MUCL3: variants seen among roughly 807,000 people sequenced by gnomAD.
MUCL3 encodes the protein mucin like 3, also known as mucin-like protein 3.
MUCL3 carries 42 observed loss-of-function variants against 70.2 expected under a neutral mutation model. The observed-to-expected ratio is 0.60, with a 90% confidence interval of 0.47 to 0.77. MUCL3 has a LOEUF of 0.77. Ranked by LOEUF, MUCL3 falls within the 30% of genes least tolerant of loss-of-function variation. The probability of loss-of-function intolerance (pLI) is 0.00; values close to 1 mark genes in which losing one functional copy is unlikely to be tolerated. For missense variants in MUCL3, 1,429 were observed against 1,670.0 expected, an observed-to-expected ratio of 0.86 and a Z score of 2.52; for synonymous variants, 522 against 647.0, an observed-to-expected ratio of 0.81 and a Z score of 2.93.
rs1760617177 is a variant in MUCL3 at position 30,950,679 on chromosome 6, G to C, written c.2215G>C (p.Glu739Gln). 1 of 1,548,486 alleles carries C rather than the reference G, an allele frequency of 6.5e-7. No homozygotes were observed. Among genetic ancestry groups the C allele is most frequent in the Non-Finnish European group, 8.7e-7 (1 of 1,145,884 alleles). The change falls in exon 2 of 3, where the codon GAG becomes CAG. Residue 739 changes from glutamate (E) to glutamine (Q), a missense_variant. Physicochemically the swap from Glu to Gln is conservative, Grantham distance 29 (BLOSUM62 2). Coordinates refer to ENST00000462446, the MANE Select transcript of MUCL3 (RefSeq NM_080870.4). ...TGAGAAGACCACACCATTCCCAGCA[G>C]AGCCTACAGAAAATAGAGAAAGGAC... ...ANEKTTPFPA[E>Q]PTENRERTAN... is the part of the protein sequence containing the mutation.
At chr6:30,944,269 T>C (rs1042370021) in intron 1 of MUCL3, among the ~76,000 whole-genome samples, 1 of 151,630 alleles carries the variant, frequency 6.6e-6, no homozygotes, top group Admixed American at 6.6e-5. Context: ...TTTCTCTTTC[T>C]TTCTTTCTCT....
intron 1 of MUCL3, among the ~76,000 whole-genome samples, chr6:30,943,553 A>G (rs1296981244): frequency 6.6e-6 from 1 of 151,688 alleles, no homozygotes; most frequent in Non-Finnish European, 1.5e-5. Context: ...TCTAGATGAA[A>G]TCATCTGAGG....
chr6:30,946,807 G>T (rs1451659795), intron 1 of MUCL3, among the ~76,000 whole-genome samples: 1 of 152,158 alleles, frequency 6.6e-6, no homozygotes, highest in East Asian at 1.9e-4. Context: ...CTTACTTGCT[G>T]GGTGTCCTTG....
At chr6:30,952,950 C>T (rs1465409880) in intron 2 of MUCL3, 21 bp from the exon 3 acceptor site, 1 of 1,612,772 alleles carries the variant, frequency 6.2e-7, no homozygotes, top group Admixed American at 1.7e-5. Context: ...TCTCATTCCT[C>T]CTTTCTCATC....
chr6:30,950,434 C>G lies in MUCL3; in HGVS notation c.1970C>G (p.Pro657Arg), dbSNP rs751747561. The G allele has an allele frequency of 1.3e-6, 2 of 1,549,748 alleles. No homozygotes were observed. Among genetic ancestry groups the G allele is most frequent in the South Asian group, 2.4e-5 (2 of 83,930 alleles). The change falls in exon 2 of 3, where the codon CCA (proline) becomes CGA (arginine). Residue 657 changes from proline to arginine, a missense_variant. By Grantham distance (103) the Pro-to-Arg change is moderately radical. Coordinates refer to ENST00000462446, the MANE Select transcript of MUCL3 (RefSeq NM_080870.4). Reference protein sequence around the residue: ...MTANEKTTLFPAEPTENRERT... With the variant: ...MTANEKTTLFRAEPTENRERT... ...GCCAACGAGAAGACCACACTATTCC[C>G]AGCAGAGCCTACAGAAAATAGAGAA...
At chr6:30,944,302 G>A (rs982708350) in intron 1 of MUCL3, among the ~76,000 whole-genome samples, 9 of 143,032 alleles carry the variant, frequency 6.3e-5, no homozygotes, top group Non-Finnish European at 1.4e-4. Flanking sequence ...TTCTTCTTTC[G>A]ACAGAGTCTC....
intron 2 of MUCL3, 129 bp downstream of exon 2, chr6:30,952,628 TAGAG>T: frequency 1.1e-5 from 12 of 1,076,534 alleles, no homozygotes; most frequent in South Asian, 1.7e-5. Flanking sequence ...GGAACAGTAA[TAGAG>T]GGAGAGTTTT....
At chr6:30,942,438 C>G (rs536958069) in intron 1 of MUCL3, among the ~76,000 whole-genome samples, 1 of 152,290 alleles carries the variant, frequency 6.6e-6, no homozygotes, top group East Asian at 1.9e-4. Flanking sequence ...CATCCAAGGA[C>G]AGAGCCATCC....
intron 1 of MUCL3, among the ~76,000 whole-genome samples, chr6:30,944,571 A>T (rs1795711864): frequency 6.6e-6 from 1 of 152,198 alleles, no homozygotes; most frequent in East Asian, 1.9e-4. Context: ...CACTGTGCCC[A>T]GCCGATGTCC....
In MUCL3 at chr6:30,948,900, A is replaced by C; in HGVS notation, c.436A>C (p.Thr146Pro). 1 of 1,551,004 alleles carries C rather than the reference A, an allele frequency of 6.4e-7. No individual in the cohort carries two copies. Among genetic ancestry groups the C allele is most frequent in the Non-Finnish European group, 8.7e-7 (1 of 1,146,864 alleles). ...NQRSVDPADS[T>P]TTHKESAGKK... Reference sequence around the variant, plus strand: ...GCGCTCTGTTGATCCTGCTGACTCCACTACCACACATAAAGAATCCGCTGG... The same window carrying C: ...GCGCTCTGTTGATCCTGCTGACTCCCCTACCACACATAAAGAATCCGCTGG... The change falls in exon 2 of 3, where the codon ACT (threonine) becomes CCT (proline). Residue 146 changes from threonine to proline, a missense_variant. Coordinates refer to ENST00000462446, the MANE Select transcript of MUCL3 (RefSeq NM_080870.4).
intron 1 of MUCL3, among the ~76,000 whole-genome samples, chr6:30,941,505 G>T (rs1405380891): frequency 6.9e-6 from 1 of 144,832 alleles, no homozygotes; most frequent in Non-Finnish European, 1.5e-5. Context: ...TGTTGCCTAG[G>T]CTGGAGTGCA....
chr6:30,951,570 C>A lies in MUCL3; in HGVS notation c.3106C>A (p.Pro1036Thr), dbSNP rs1353682758. 1 of 1,550,364 alleles carries A rather than the reference C, an allele frequency of 6.5e-7. No individual in the cohort carries two copies. The highest frequency in any genetic ancestry group is 1.2e-5 in the South Asian group (1 of 84,022). The change falls in exon 2 of 3, where the codon CCA (proline) becomes ACA (threonine). Residue 1036 changes from proline (P) to threonine (T), a missense_variant. Physicochemically the swap from Pro to Thr is conservative, Grantham distance 38 (BLOSUM62 -1). Coordinates refer to ENST00000462446, the MANE Select transcript of MUCL3 (RefSeq NM_080870.4). Reference sequence around the variant, plus strand: ...ACCATCAGCCAATGAGAAGACCATACCATCTCCAGCAAAGCCTACAGAACA... The same window carrying A: ...ACCATCAGCCAATGAGAAGACCATAACATCTCCAGCAAAGCCTACAGAACA... ...RTPSANEKTI[P>T]SPAKPTEHEE... is the part of the protein sequence containing the mutation.
chr6:30,951,330 C>A lies in MUCL3; in HGVS notation c.2866C>A (p.Pro956Thr). ...AAGGATAGCCAATGAGAAGGCCACA[C>A]CATCCCCAGCAAAGCCTACAGAACA... ...GERIANEKAT[P>T]SPAKPTEHGE... Residue 956 changes from proline (P) to threonine (T), a missense_variant, in exon 2 of 3, where the codon CCA becomes ACA. Transcript: ENST00000462446. 6.5e-7 allele frequency: 1 copy of A among 1,545,660 alleles called. No homozygotes were observed.
intron 2 of MUCL3, 46 bp from the exon 3 acceptor site, chr6:30,952,925 C>CA (rs767673189): frequency 3.9e-5 from 63 of 1,603,782 alleles, no homozygotes; most frequent in Non-Finnish European, 5.1e-5. Flanking sequence ...TTGTGGAAAA[C>CA]AAATCGCAGA....
rs1760530121 is a variant in MUCL3 at position 30,949,842 on chromosome 6, C to T, written c.1378C>T (p.Pro460Ser). Residue 460 changes from proline to serine, a missense_variant, in exon 2 of 3, where the codon CCT becomes TCT. Physicochemically the swap from Pro to Ser is moderately conservative, Grantham distance 74. Coordinates refer to ENST00000462446, the MANE Select transcript of MUCL3 (RefSeq NM_080870.4). Reference protein sequence around the residue: ...NENTTPSPAGPTENRETTANE... With the variant: ...NENTTPSPAGSTENRETTANE... Reference sequence around the variant, plus strand: ...GAACACCACACCATCCCCAGCAGGGCCTACAGAAAACAGAGAAACGACAGC... The same window carrying T: ...GAACACCACACCATCCCCAGCAGGGTCTACAGAAAACAGAGAAACGACAGC... The T allele has an allele frequency of 1.3e-6, 2 of 1,549,544 alleles. No homozygotes were observed. Among genetic ancestry groups the T allele is most frequent in the Non-Finnish European group, 1.7e-6 (2 of 1,146,392 alleles).
chr6:30,953,185 C>A lies in MUCL3; in HGVS notation c.*68C>A. On this transcript the variant is annotated 3_prime_UTR_variant, in exon 3 of 3. Coordinates refer to ENST00000462446, the MANE Select transcript of MUCL3 (RefSeq NM_080870.4). ...CCTTTCCTGGATGAGGAACCGGACT[C>A]ACAATTTCTATTTCCGGGACTACAG... The A allele has an allele frequency of 6.4e-7, 1 of 1,573,672 alleles. No individual in the cohort carries two copies. Among genetic ancestry groups the A allele is most frequent in the Admixed American group, 1.8e-5 (1 of 55,190 alleles).
At chr6:30,943,350 G>A (rs1177370134) in intron 1 of MUCL3, among the ~76,000 whole-genome samples, 1 of 152,138 alleles carries the variant, frequency 6.6e-6, no homozygotes, top group Non-Finnish European at 1.5e-5. Flanking sequence ...TCACCAGAGG[G>A]AGGCACAGGT....
rs367931222 is a variant in MUCL3 at position 30,952,415 on chromosome 6, T to C, written c.3951T>C (p.Asn1317=). Residue 1317 remains asparagine (N), a synonymous_variant, in exon 2 of 3, where the codon AAT becomes AAC. Transcript: ENST00000462446. ...TCCACGCTGGACAGATGGGAGAGAA[T>C]GATTCATTCCCTGCATGGGCCATAG... The part of the protein sequence containing the change: ...KGIHAGQMGE[N]DSFPAWAIVI... 7.4e-6 allele frequency: 12 copies of C among 1,614,042 alleles called. No homozygotes were observed. Among genetic ancestry groups the C allele is most frequent in the Non-Finnish European group, 1.0e-5 (12 of 1,179,976 alleles).
intron 1 of MUCL3, among the ~76,000 whole-genome samples, chr6:30,942,430 T>C (rs1478338722): frequency 6.6e-6 from 1 of 152,056 alleles, no homozygotes; most frequent in Non-Finnish European, 1.5e-5. Flanking sequence ...TGGACAGTCA[T>C]CCAAGGACAG....
Sources: allele counts gnomAD v4.1 joint callset (sites outside exome capture counted in the v4.1 genomes callset), GRCh38; gene constraint gnomAD v4.1.1; transcripts MANE v1.5; gene names NCBI Gene and HGNC (gene_info 2026-07-23, HGNC 2026-07-21).